Variants in SPACA7 observed in about 807,000 individuals in gnomAD.
SPACA7 encodes the protein sperm acrosome-associated protein 7.
SPACA7 carries 19 observed loss-of-function variants against 26.3 expected under a neutral mutation model. The observed-to-expected ratio is 0.72, with a 90% CI of 0.50 to 1.06. The LOEUF (loss-of-function observed/expected upper bound fraction) is 1.06. SPACA7 is among the 50% of genes least tolerant of loss of function. The pLI, the probability that SPACA7 is intolerant of heterozygous loss-of-function variation, is 0.00. For synonymous variants in SPACA7, 84 were observed against 84.5 expected (o/e 0.99, Z 0.04); for missense variants, 211 against 229.9 (o/e 0.92, Z 0.53).
rs1007947170 is a variant in SPACA7, at chr13:112,392,258, A to G, written c.95-763A>G. Among the ~76,000 whole-genome samples, 5 of 152,226 alleles carry G rather than the reference A, an allele frequency of 3.3e-5. No homozygotes were observed. In the East Asian group the frequency reaches 5.8e-4, roughly 18 times the overall value. On this transcript the variant is annotated intron_variant, in intron 1 of 6. Transcript: ENST00000283550. ...GGCTAACAAGGAGAAAGCAGTGCTC[A>G]GAACCGCCACCCACTCTCAGGGTCA... is the stretch of plus-strand genomic sequence containing the variant.
chr13:112,428,240 T>C (rs756745465), intron 5 of SPACA7, among the ~76,000 whole-genome samples: 6 of 152,234 alleles, frequency 3.9e-5, no homozygotes, highest in Non-Finnish European at 5.9e-5. Flanking sequence ...AAATACTTTA[T>C]CATTCACCTT....
intron 5 of SPACA7, among the ~76,000 whole-genome samples, chr13:112,418,472 G>C (rs1886827518): frequency 6.6e-6 from 1 of 152,200 alleles, no homozygotes; most frequent in African/African-American, 2.4e-5. Flanking sequence ...CAGGAAAATG[G>C]AAATATGTCT....
At chr13:112,383,170 AAAGAAAGAAAGAAAGAAAG>A (rs1884294518) in intron 1 of SPACA7, among the ~76,000 whole-genome samples, 1 of 127,898 alleles carries the variant, frequency 7.8e-6, no homozygotes. Flanking sequence ...AGAAAGAAAG[AAAGAAAGAAAGAAAGAAAG>A]AAAGAAAAGA....
intron 5 of SPACA7, among the ~76,000 whole-genome samples, chr13:112,407,719 ATAAT>A (rs1886077625): frequency 6.6e-6 from 1 of 151,896 alleles, no homozygotes; most frequent in Non-Finnish European, 1.5e-5. Flanking sequence ...AATTGAGGCA[ATAAT>A]TAATAGCCTA....
chr13:112,407,190 C>A (rs184585065), intron 5 of SPACA7, among the ~76,000 whole-genome samples: 1 of 152,064 alleles, frequency 6.6e-6, no homozygotes, highest in African/African-American at 2.4e-5. Context: ...ACACAACATA[C>A]CAGAATTTCT....
rs533675947 is a variant in SPACA7 at position 112,431,863 on chromosome 13, A to G, written c.446-581A>G. On this transcript the variant is annotated intron_variant, in intron 5 of 6. Coordinates refer to ENST00000283550, the MANE Select transcript of SPACA7 (RefSeq NM_145248.5). ...TTCCAAAGGGAGCCTCCCACCCAACAGCTGCAGAAGCTGGGGCCGGTTTGG... is the reference window on the plus strand; with the variant it reads ...TTCCAAAGGGAGCCTCCCACCCAACGGCTGCAGAAGCTGGGGCCGGTTTGG... 1.6e-4 allele frequency among the ~76,000 whole-genome samples: 24 copies of G among 152,336 alleles called. No homozygotes were observed. The Middle Eastern group carries it at 0.01, about 65-fold the overall frequency.
chr13:112,424,922 G>A (rs576334021), intron 5 of SPACA7, among the ~76,000 whole-genome samples: 30 of 152,166 alleles, frequency 2.0e-4, no homozygotes, highest in Non-Finnish European at 3.8e-4. Context: ...CCTCCATGCC[G>A]ACCCTAGCAC....
chr13:112,411,182 A>T (rs1358426257), intron 5 of SPACA7, among the ~76,000 whole-genome samples: 2 of 152,072 alleles, frequency 1.3e-5, no homozygotes, highest in African/African-American at 4.8e-5. Context: ...TAAAAAAAAA[A>T]ATTGGGGTAT....
intron 5 of SPACA7, among the ~76,000 whole-genome samples, chr13:112,422,412 G>A (rs1232453854): frequency 1.3e-5 from 2 of 152,064 alleles, no homozygotes; most frequent in Non-Finnish European, 2.9e-5. Flanking sequence ...GACATAAAAG[G>A]CCAAAACAAC....
At chr13:112,385,032 C>T (rs1024542072) in intron 1 of SPACA7, among the ~76,000 whole-genome samples, 8 of 152,120 alleles carry the variant, frequency 5.3e-5, no homozygotes, top group African/African-American at 1.9e-4. Context: ...GATTAATTTT[C>T]TAAGAAAACC....
At position 112,392,264 on chromosome 13, in the gene SPACA7, G is replaced by A. The variant is rs577529344; in HGVS notation, c.95-757G>A. 2.6e-5 allele frequency among the ~76,000 whole-genome samples: 4 copies of A among 152,280 alleles called. No homozygotes were observed. In the East Asian group the frequency reaches 5.8e-4, roughly 22 times the overall value. ...CAAGGAGAAAGCAGTGCTCAGAACCGCCACCCACTCTCAGGGTCACTCAGC... is the reference window on the plus strand; with the variant it reads ...CAAGGAGAAAGCAGTGCTCAGAACCACCACCCACTCTCAGGGTCACTCAGC... On this transcript the variant is annotated intron_variant, in intron 1 of 6. Coordinates refer to ENST00000283550, the MANE Select transcript of SPACA7 (RefSeq NM_145248.5).
intron 1 of SPACA7, among the ~76,000 whole-genome samples, chr13:112,379,868 G>A (rs540792208): frequency 1.3e-5 from 2 of 152,124 alleles, no homozygotes; most frequent in Non-Finnish European, 2.9e-5. Context: ...AGGATCATAA[G>A]TTACTATGAA....
At position 112,401,176 on chromosome 13, in the gene SPACA7, C is replaced by G; in HGVS notation, c.445+12C>G. Reference sequence around the variant, plus strand: ...TGTTTCCAGTAAAGGTAAATGTGCCCTGCCCACACTGAGAGCTCTGTGGGA... The same window carrying G: ...TGTTTCCAGTAAAGGTAAATGTGCCGTGCCCACACTGAGAGCTCTGTGGGA... On this transcript the variant is annotated intron_variant, in intron 5 of 6. Coordinates refer to ENST00000283550, the MANE Select transcript of SPACA7 (RefSeq NM_145248.5). The G allele has an allele frequency of 6.3e-7, 1 of 1,599,454 alleles. No homozygotes were observed. The highest frequency in any genetic ancestry group is 8.6e-7 in the Non-Finnish European group (1 of 1,166,728).
Position 112,432,486 on chromosome 13 carries a change from T to A in SPACA7, c.488T>A (p.Leu163Gln). 1 of 1,611,814 alleles carries A rather than the reference T, an allele frequency of 6.2e-7. No homozygotes were observed. The highest frequency in any genetic ancestry group is 8.5e-7 in the Non-Finnish European group (1 of 1,177,828). ...ACTCAGTATGAAAATCTATCCATTC[T>A]GGACCAAATCCTTCAAAATATTGGA... The part of the protein sequence containing the change: ...KNTQYENLSI[L>Q]DQILQNIGRS... The change falls in exon 6 of 7, where the codon CTG becomes CAG. Residue 163 changes from leucine to glutamine, a missense_variant. Transcript: ENST00000283550.
At position 112,405,084 on chromosome 13, in the gene SPACA7, G is replaced by A. The variant is rs183298093; in HGVS notation, c.445+3920G>A. Among the ~76,000 whole-genome samples the A allele has an allele frequency of 9.5e-4, 138 of 145,714 alleles. 2 individuals are homozygous for A. The highest frequency in any genetic ancestry group is 8.3e-4 in the Non-Finnish European group (56 of 67,302). On this transcript the variant is annotated intron_variant, in intron 5 of 6. Coordinates refer to ENST00000283550, the MANE Select transcript of SPACA7 (RefSeq NM_145248.5). ...TGCAAGCTCCGCCTCCCGGGTTCAC[G>A]CCATTCTCCCGCCTCAGCCTCCAGA...
At chr13:112,388,067 G>A (rs943069218) in intron 1 of SPACA7, among the ~76,000 whole-genome samples, 2 of 152,156 alleles carry the variant, frequency 1.3e-5, no homozygotes, top group African/African-American at 4.8e-5. Flanking sequence ...GACAAATAAG[G>A]AGGGTTCTGA....
intron 5 of SPACA7, among the ~76,000 whole-genome samples, chr13:112,412,437 G>A (rs986851066): frequency 2.0e-5 from 3 of 151,900 alleles, no homozygotes; most frequent in Non-Finnish European, 4.4e-5. Flanking sequence ...TTCATTAGTT[G>A]TGTAGGAGCT....
intron 1 of SPACA7, among the ~76,000 whole-genome samples, chr13:112,391,767 A>G (rs1199261353): frequency 6.6e-6 from 1 of 152,232 alleles, no homozygotes; most frequent in Non-Finnish European, 1.5e-5. Flanking sequence ...AATGAAAAGA[A>G]TATTTTTAAC....
At chr13:112,430,079 G>C (rs1488145841) in intron 5 of SPACA7, among the ~76,000 whole-genome samples, 1 of 152,032 alleles carries the variant, frequency 6.6e-6, no homozygotes, top group African/African-American at 2.4e-5. Flanking sequence ...CTGTTCAGTT[G>C]TGTGGTCCTT....
Sources: gnomAD v4.1 joint callset for allele counts (sites outside exome capture counted in the v4.1 genomes callset) on GRCh38, gnomAD v4.1.1 for gene constraint, MANE v1.5 for transcripts, NCBI Gene and HGNC (gene_info 2026-07-23, HGNC 2026-07-21) for gene names.